GRIN2A: variants seen among roughly 807,000 people sequenced by gnomAD.
GRIN2A encodes the protein glutamate ionotropic receptor NMDA type subunit 2A.
A neutral mutation model predicts 113.4 loss-of-function variants in GRIN2A; 22 were observed. The observed-to-expected ratio is 0.19, with a 90% CI of 0.14 to 0.28. GRIN2A has a LOEUF of 0.28. Ranked by LOEUF, GRIN2A falls within the 10% of genes least tolerant of loss-of-function variation. The pLI, the probability that GRIN2A is intolerant of heterozygous loss-of-function variation, is 1.00. For synonymous variants in GRIN2A, 827 were observed against 738.4 expected, an observed-to-expected ratio of 1.12 and a Z score of -1.94; for missense variants, 1,502 against 1,887.0, an observed-to-expected ratio of 0.80 and a Z score of 3.78.
chr16:10,101,409 A>G (rs1004671657), intron 2 of GRIN2A, among the ~76,000 whole-genome samples: 2 of 152,240 alleles, frequency 1.3e-5, no homozygotes, highest in Non-Finnish European at 2.9e-5. Flanking sequence ...TAAGTAACTC[A>G]GAGCTATCTC....
intron 10 of GRIN2A, among the ~76,000 whole-genome samples, chr16:9,811,918 C>T (rs1313288093): frequency 6.6e-6 from 1 of 152,178 alleles, no homozygotes; most frequent in Non-Finnish European, 1.5e-5. Flanking sequence ...CCTCCACGCT[C>T]TTGCTCCACA....
intron 2 of GRIN2A, among the ~76,000 whole-genome samples, chr16:9,940,044 G>A (rs71386491): frequency 6.1e-5 from 9 of 147,476 alleles, no homozygotes; most frequent in Admixed American, 1.3e-4. Context: ...GAGAGAGAAA[G>A]AGAGAGAGAG....
intron 2 of GRIN2A, among the ~76,000 whole-genome samples, chr16:9,960,599 A>G (rs2045419174): frequency 6.6e-6 from 1 of 151,980 alleles, no homozygotes; most frequent in Admixed American, 6.6e-5. Context: ...CTAACGTGTA[A>G]TTTTTCTTTT....
chr16:9,834,332 T>C, intron 7 of GRIN2A, 102 bp from the exon 8 acceptor site: 1 of 1,068,148 alleles, frequency 9.4e-7, no homozygotes, highest in Non-Finnish European at 1.5e-6. Context: ...CAAAAATATT[T>C]TCTCTAATTT....
chr16:10,099,737 C>T (rs1000652444), intron 2 of GRIN2A, among the ~76,000 whole-genome samples: 6 of 152,174 alleles, frequency 3.9e-5, no homozygotes, highest in African/African-American at 1.4e-4. Flanking sequence ...CTAGAAGATA[C>T]CTTCAGGACC....
chr16:9,943,887 G>C (rs539889670), intron 2 of GRIN2A, among the ~76,000 whole-genome samples: 1 of 152,226 alleles, frequency 6.6e-6, no homozygotes, highest in Non-Finnish European at 1.5e-5. Flanking sequence ...GAACTTTAAA[G>C]CTGATTTATT....
intron 2 of GRIN2A, among the ~76,000 whole-genome samples, chr16:10,005,686 A>C (rs837688): frequency 0.38 from 58,018 of 152,136 alleles, 11,355 homozygotes; most frequent in Admixed American, 0.4. Context: ...CCTGATTTGT[A>C]AATGTTGGAG....
chr16:10,041,867 CCTT>C (rs2047172769), intron 2 of GRIN2A, among the ~76,000 whole-genome samples: 1 of 152,210 alleles, frequency 6.6e-6, no homozygotes, highest in Admixed American at 6.5e-5. Flanking sequence ...TAAACCACCT[CCTT>C]CTGCAATCTG....
At chr16:9,768,650 C>G (rs1036315374) in intron 12 of GRIN2A, among the ~76,000 whole-genome samples, 4 of 152,242 alleles carry the variant, frequency 2.6e-5, no homozygotes, top group African/African-American at 9.6e-5. Flanking sequence ...GCTGCACCCA[C>G]TCCCGTTTCC....
intron 5 of GRIN2A, among the ~76,000 whole-genome samples, chr16:9,847,670 AT>A (rs2042798985): frequency 6.7e-6 from 1 of 148,512 alleles, no homozygotes; most frequent in African/African-American, 2.5e-5. Context: ...TTTTTAACAC[AT>A]AAAAATATAT....
At chr16:10,081,371 C>T (rs1179088407) in intron 2 of GRIN2A, among the ~76,000 whole-genome samples, 1 of 152,194 alleles carries the variant, frequency 6.6e-6, no homozygotes, top group Non-Finnish European at 1.5e-5. Context: ...CTGCTCCTTA[C>T]ATATGCCCCC....
At chr16:9,983,702 G>C (rs903961144) in intron 2 of GRIN2A, among the ~76,000 whole-genome samples, 1 of 152,188 alleles carries the variant, frequency 6.6e-6, no homozygotes, top group African/African-American at 2.4e-5. Flanking sequence ...GCCTCCCAAA[G>C]TGCTGGGATT....
intron 2 of GRIN2A, among the ~76,000 whole-genome samples, chr16:10,021,133 G>C (rs2046712668): frequency 6.6e-6 from 1 of 152,128 alleles, no homozygotes; most frequent in Non-Finnish European, 1.5e-5. Flanking sequence ...CCTTTGGAGA[G>C]CAGTCACTGG....
intron 2 of GRIN2A, among the ~76,000 whole-genome samples, chr16:10,015,289 AG>A (rs1567235187): frequency 1.1e-3 from 145 of 132,026 alleles, no homozygotes; most frequent in Non-Finnish European, 1.5e-3. Context: ...AAAAAGAAAA[AG>A]AAAGGAAAGG....
chr16:9,756,069 C>A lies in GRIN2A; in HGVS notation c.*7080G>T, dbSNP rs1282867496. The A allele has an allele frequency of 8.9e-6, 2 of 224,542 alleles. No homozygotes were observed. The highest frequency in any genetic ancestry group is 1.1e-4 in the Admixed American group (2 of 17,498). 13.9% of individuals were successfully genotyped at this position (224,542 alleles called of 1,614,324 possible). A position where few individuals can be genotyped will look rare whatever the true frequency, so the allele number is the denominator to read the frequency against. Reference sequence around the variant, plus strand: ...AATAGTCAACTTGCAAATAATATCACCTCTTTGAACATGGGTCACAATATT... The same window carrying A: ...AATAGTCAACTTGCAAATAATATCAACTCTTTGAACATGGGTCACAATATT... On this transcript the variant is annotated 3_prime_UTR_variant, in exon 13 of 13. Coordinates refer to ENST00000330684, the MANE Select transcript of GRIN2A (RefSeq NM_001134407.3).
At chr16:10,080,430 C>T (rs529421620) in intron 2 of GRIN2A, among the ~76,000 whole-genome samples, 4 of 152,294 alleles carry the variant, frequency 2.6e-5, no homozygotes, top group Admixed American at 1.3e-4. Context: ...TCTCTGCAAA[C>T]GACAAGCCAT....
chr16:9,967,806 T>C (rs2045585701), intron 2 of GRIN2A, among the ~76,000 whole-genome samples: 1 of 152,104 alleles, frequency 6.6e-6, no homozygotes, highest in Non-Finnish European at 1.5e-5. Flanking sequence ...TCTTAGGTGA[T>C]GGGTGCACCA....
In GRIN2A at chr16:9,790,110, G is replaced by A. The variant is rs180729049; in HGVS notation, c.2356+8167C>T. 1.1e-4 allele frequency among the ~76,000 whole-genome samples: 16 copies of A among 152,254 alleles called. No individual in the cohort carries two copies. The East Asian group carries it at 3.1e-3, about 29-fold the overall frequency. On this transcript the variant is annotated intron_variant, in intron 11 of 12. Transcript: ENST00000330684. ...GTGCTGCAGGGAAGGAGGGTGCCTG[G>A]GAGACAGCAAGGCTCATTCTACTGG...
At chr16:10,108,006 C>T (rs1167553036) in intron 2 of GRIN2A, among the ~76,000 whole-genome samples, 1 of 152,190 alleles carries the variant, frequency 6.6e-6, no homozygotes. Flanking sequence ...GGGCTAGATC[C>T]TACTCATGTA....
Sources: gnomAD v4.1 joint callset for allele counts (sites outside exome capture counted in the v4.1 genomes callset) on GRCh38, gnomAD v4.1.1 for gene constraint, MANE v1.5 for transcripts, NCBI Gene and HGNC (gene_info 2026-07-23, HGNC 2026-07-21) for gene names.